TOX2: variants seen among roughly 807,000 people sequenced by gnomAD.
The protein encoded by TOX2 is TOX high mobility group box family member 2, also known as granulosa cell HMG box 1.
TOX2 carries 15 observed loss-of-function variants against 47.4 expected under a neutral mutation model. The ratio of observed to expected loss-of-function variants is 0.32; its 90% confidence interval spans 0.21 to 0.49. The LOEUF is 0.49. Ranked by LOEUF, TOX2 falls within the 20% of genes least tolerant of loss-of-function variation. TOX2 has a pLI of 0.99. For synonymous variants in TOX2, 290 were observed against 296.6 expected (o/e 0.98, Z 0.23); for missense variants, 622 against 673.1 (o/e 0.92, Z 0.84).
chr20:43,930,834 T>G (rs1466721611), intron 1 of TOX2, among the ~76,000 whole-genome samples: 1 of 152,230 alleles, frequency 6.6e-6, no homozygotes, highest in Non-Finnish European at 1.5e-5. Flanking sequence ...GATCCCACGG[T>G]GCAGATTCAA....
In TOX2 at chr20:43,981,756, C is replaced by A. The variant is rs149829669; in HGVS notation, c.165+8324C>A. ...TTAGCGAAAAGGAAGTGACTCTGGG[C>A]TTCAGTATAAGCAGTTTTGATGTGC... On this transcript the variant is annotated intron_variant, in intron 2 of 8. Coordinates refer to ENST00000341197, the MANE Select transcript of TOX2 (RefSeq NM_001098797.2). Among the ~76,000 whole-genome samples, 330 of 152,222 alleles carry A rather than the reference C, an allele frequency of 2.2e-3. 1 individual carries two copies. The highest frequency in any genetic ancestry group is 3.7e-3 in the Non-Finnish European group (251 of 68,026).
At chr20:43,951,008 C>T (rs1349785996) in intron 1 of TOX2, among the ~76,000 whole-genome samples, 2 of 151,934 alleles carry the variant, frequency 1.3e-5, no homozygotes, top group Non-Finnish European at 2.9e-5. Flanking sequence ...TTCTGGGCTC[C>T]AGGCCCCAGG....
chr20:44,007,761 G>T (rs1488370979), intron 3 of TOX2, among the ~76,000 whole-genome samples: 1 of 152,150 alleles, frequency 6.6e-6, no homozygotes, highest in Admixed American at 6.5e-5. Flanking sequence ...GATCACTCAA[G>T]CCCGGGAGGT....
intron 1 of TOX2, among the ~76,000 whole-genome samples, chr20:43,928,940 G>T (rs940991377): frequency 4.9e-5 from 7 of 141,746 alleles, no homozygotes; most frequent in African/African-American, 2.0e-4. Context: ...TTCAAGACCA[G>T]CCTGGCCAAC....
intron 1 of TOX2, among the ~76,000 whole-genome samples, chr20:43,957,200 C>G (rs887118070): frequency 6.6e-6 from 1 of 152,182 alleles, no homozygotes; most frequent in African/African-American, 2.4e-5. Flanking sequence ...TTATGTTTAA[C>G]TCTTTAATCC....
At position 43,972,520 on chromosome 20, in the gene TOX2, ACTAACTGGAATTAAGTCCTCT is replaced by A. The variant is rs1345975681; in HGVS notation, c.100-845_100-825del. On this transcript the variant is annotated intron_variant, in intron 1 of 8. Coordinates refer to ENST00000341197, the MANE Select transcript of TOX2 (RefSeq NM_001098797.2). The stretch of plus-strand genomic sequence containing the variant: ...AAGATACCTAGCTTAAGGGAAGGGA[ACTAACTGGAATTAAGTCCTCT>A]CCATATTAATGTGTTGAGTCAAGTG... Among the ~76,000 whole-genome samples the A allele has an allele frequency of 9.2e-5, 14 of 152,216 alleles. 1 individual carries two copies. Among genetic ancestry groups the A allele is most frequent in the Admixed American group, 9.2e-4 (14 of 15,286 alleles).
At position 43,991,787 on chromosome 20, in the gene TOX2, G is replaced by T. The variant is rs879832920; in HGVS notation, c.166-14760G>T. Among the ~76,000 whole-genome samples the T allele has an allele frequency of 2.0e-5, 3 of 152,080 alleles. No individual in the cohort carries two copies. The East Asian group carries it at 5.8e-4, about 29-fold the overall frequency. On this transcript the variant is annotated intron_variant, in intron 2 of 8. Transcript: ENST00000341197. The stretch of plus-strand genomic sequence containing the variant: ...GCCTCCTGAGTAGCTGGGATTACAG[G>T]CATACACCACTATGCCCGGATCATT...
rs1437333510 is a variant in TOX2 at position 44,026,240 on chromosome 20, TATATATATAGACAC to T, written c.411+19450_411+19463del. 3.5e-3 allele frequency among the ~76,000 whole-genome samples: 350 copies of T among 101,442 alleles called. 58 individuals are homozygous for T. Among genetic ancestry groups the T allele is most frequent in the African/African-American group, 0.014 (306 of 21,942 alleles). 66.5% of individuals were successfully genotyped at this position (101,442 alleles called of 152,430 possible). On this transcript the variant is annotated intron_variant, in intron 3 of 8. Transcript: ENST00000341197. ...ATAAAGAAACTGTGATATATATATA[TATATATATAGACAC>T]ACACACACACAATGGAATACTACTC...
chr20:43,961,854 C>T (rs148085487), intron 1 of TOX2, among the ~76,000 whole-genome samples: 13 of 152,138 alleles, frequency 8.5e-5, no homozygotes, highest in African/African-American at 2.4e-4. Context: ...GCCTCAAAGT[C>T]GCGAGCCCAA....
chr20:43,982,668 G>T (rs1245303780), intron 2 of TOX2, among the ~76,000 whole-genome samples: 4 of 151,882 alleles, frequency 2.6e-5, no homozygotes. Flanking sequence ...GCACAGCATG[G>T]TGGCTGAGCT....
chr20:43,925,682 T>C (rs2069157315), intron 1 of TOX2, among the ~76,000 whole-genome samples: 1 of 152,222 alleles, frequency 6.6e-6, no homozygotes, highest in Non-Finnish European at 1.5e-5. Flanking sequence ...GGTTCCTTAG[T>C]GCTCACAGGC....
At chr20:43,984,556 A>G (rs773683978) in intron 2 of TOX2, among the ~76,000 whole-genome samples, 1 of 152,192 alleles carries the variant, frequency 6.6e-6, no homozygotes, top group Non-Finnish European at 1.5e-5. Context: ...ATGGCCAAAA[A>G]TATATTTATT....
intron 1 of TOX2, among the ~76,000 whole-genome samples, chr20:43,960,406 G>A (rs1343472425): frequency 6.6e-6 from 1 of 152,174 alleles, no homozygotes; most frequent in African/African-American, 2.4e-5. Context: ...GGATCCGATG[G>A]CCATCCCATG....
In TOX2 at chr20:43,915,081, G is replaced by A. The variant is rs564100129; in HGVS notation, c.99+91G>A. The A allele has an allele frequency of 9.9e-6, 7 of 709,676 alleles. No homozygotes were observed. The highest frequency in any genetic ancestry group is 6.0e-5 in the South Asian group (1 of 16,710). The allele number at this position is 709,676 out of a possible 1,614,324, so 44.0% of individuals were successfully genotyped here. On this transcript the variant is annotated intron_variant, in intron 1 of 8. Coordinates refer to ENST00000341197, the MANE Select transcript of TOX2 (RefSeq NM_001098797.2). This position sits in a 1 kb window ranked among gnomAD's most constrained non-coding sequence, Gnocchi z 7.1. ...GGCGCTCCCGGGGTCACACGGGGCC[G>A]CGCACATCAGCCCCGCCGACGGGCA...
chr20:44,061,392 A>G (rs563515795), intron 5 of TOX2, among the ~76,000 whole-genome samples: 1 of 152,284 alleles, frequency 6.6e-6, no homozygotes, highest in East Asian at 1.9e-4. Flanking sequence ...AGGAAAGGAC[A>G]TAACAACAAC....
chr20:43,954,823 G>A (rs2069639410), intron 1 of TOX2, among the ~76,000 whole-genome samples: 1 of 152,182 alleles, frequency 6.6e-6, no homozygotes, highest in South Asian at 2.1e-4. Context: ...CCTGGGTTTG[G>A]ATCCCAGCTC....
chr20:43,959,633 T>C (rs1031274749), intron 1 of TOX2, among the ~76,000 whole-genome samples: 1 of 152,258 alleles, frequency 6.6e-6, no homozygotes, highest in East Asian at 1.9e-4. Flanking sequence ...TGTTTTGTAG[T>C]GCTGGGGAGA....
chr20:44,049,318 C>T (rs1433530270), intron 3 of TOX2, among the ~76,000 whole-genome samples: 11 of 152,172 alleles, frequency 7.2e-5, no homozygotes, highest in Non-Finnish European at 1.5e-4. Flanking sequence ...TTTGTAAGGA[C>T]TGTGGAATAT....
At chr20:44,033,681 C>CAA (rs756841511) in intron 3 of TOX2, among the ~76,000 whole-genome samples, 5 of 129,884 alleles carry the variant, frequency 3.8e-5, no homozygotes, top group South Asian at 2.5e-4. Flanking sequence ...ACGGTTCATC[C>CAA]AAAAAAAAAA....
Sources: gnomAD v4.1 joint callset for allele counts (sites outside exome capture counted in the v4.1 genomes callset) on GRCh38, gnomAD v4.1.1 for gene constraint, Gnocchi (gnomAD v3.1) non-coding constraint, MANE v1.5 for transcripts, NCBI Gene and HGNC (gene_info 2026-07-23, HGNC 2026-07-21) for gene names.